Variants in RNF111 observed in about 807,000 individuals in gnomAD.
RNF111 encodes E3 ubiquitin-protein ligase Arkadia.
A neutral mutation model predicts 95.1 loss-of-function variants in RNF111; 17 were observed. The observed-to-expected ratio is 0.18, with a 90% confidence interval of 0.12 to 0.27. The LOEUF (loss-of-function observed/expected upper bound fraction) is 0.27. Among genes scored for constraint, RNF111 ranks in the 10% least tolerant of loss-of-function variants. RNF111 has a pLI of 1.00. For missense variants in RNF111, 1,189 were observed against 1,210.4 expected, an observed-to-expected ratio of 0.98 and a Z score of 0.26; for synonymous variants, 440 against 414.8, an observed-to-expected ratio of 1.06 and a Z score of -0.74.
chr15:59,081,030 G>A lies in RNF111; in HGVS notation c.2043G>A (p.Val681=), dbSNP rs1269856935. ...CTCAGACTCAGCCTCCGCCTCAAGT[G>A]GATTATGTTATTCCTCATCCTGTAC... is the stretch of plus-strand genomic sequence containing the variant. ...PPPQTQPPPQ[V]DYVIPHPVHA... is the part of the protein sequence containing the mutation. The change falls in exon 8 of 14, where the codon GTG becomes GTA. Residue 681 remains valine (V), a synonymous_variant. Coordinates refer to ENST00000348370, the MANE Select transcript of RNF111 (RefSeq NM_017610.8). 1 of 1,614,032 alleles carries A rather than the reference G, an allele frequency of 6.2e-7. No individual in the cohort carries two copies. The highest frequency in any genetic ancestry group is 1.1e-5 in the South Asian group (1 of 91,068).
At chr15:59,092,900 T>G (rs1175361646) in intron 13 of RNF111, among the ~76,000 whole-genome samples, 6 of 152,130 alleles carry the variant, frequency 3.9e-5, no homozygotes, top group Admixed American at 1.3e-4. Flanking sequence ...CTCAGGAGAC[T>G]AAGGCAGGAG....
In RNF111 at chr15:59,000,190, G is replaced by T. The variant is rs200107318; in HGVS notation, c.-20+12122G>T. Among the ~76,000 whole-genome samples, 11 of 142,152 alleles carry T rather than the reference G, an allele frequency of 7.7e-5. No homozygotes were observed. In the East Asian group the frequency reaches 1.8e-3, roughly 24 times the overall value. The allele number at this position is 142,152 out of a possible 152,430, so 93.3% of individuals were successfully genotyped here. On this transcript the variant is annotated intron_variant, in intron 1 of 13. Transcript: ENST00000348370. ...TTTTTTTTTTTTTTTTTGAGACAGGGTCTCTCTCTGTTACCCAGGCTAGAG... is the reference window on the plus strand; with the variant it reads ...TTTTTTTTTTTTTTTTTGAGACAGGTTCTCTCTCTGTTACCCAGGCTAGAG...
Position 59,067,184 on chromosome 15 carries a change from C to T in RNF111, c.1686+101C>T, listed in dbSNP as rs1343097833. 7.1e-6 allele frequency: 7 copies of T among 991,030 alleles called. No individual in the cohort carries two copies. In the African/African-American group the frequency reaches 8.2e-5, roughly 12 times the overall value. 61.4% of individuals were successfully genotyped at this position (991,030 alleles called of 1,614,324 possible). A position where few individuals can be genotyped will look rare whatever the true frequency, so the allele number is the denominator to read the frequency against. ...TCTTCCTCTTCCTTCATTCCTGTCT[C>T]TCTCCCTCCCTCCATTTCTCTCCCT... On this transcript the variant is annotated intron_variant, in intron 6 of 13. Coordinates refer to ENST00000348370, the MANE Select transcript of RNF111 (RefSeq NM_017610.8).
rs553737581 is a variant in RNF111, at chr15:59,025,128, G to A, written c.-19-5676G>A. ...TTTGCAAATAATGCTGTTACGATCC[G>A]CCCTCCTCCGCCTCCCAAAGTGCAG... On this transcript the variant is annotated intron_variant, in intron 1 of 13. Transcript: ENST00000348370. 5.5e-4 allele frequency among the ~76,000 whole-genome samples: 84 copies of A among 152,230 alleles called. 1 individual carries two copies. Among genetic ancestry groups the A allele is most frequent in the African/African-American group, 1.8e-3 (75 of 41,514 alleles).
intron 2 of RNF111, among the ~76,000 whole-genome samples, chr15:59,031,944 CT>C (rs777394754): frequency 9.2e-4 from 138 of 150,016 alleles, no homozygotes; most frequent in Non-Finnish European, 1.5e-3. Context: ...CCCTTCATTA[CT>C]TTTTTTTTTC....
At chr15:59,013,792 T>C (rs2039937686) in intron 1 of RNF111, among the ~76,000 whole-genome samples, 1 of 152,028 alleles carries the variant, frequency 6.6e-6, no homozygotes, top group Non-Finnish European at 1.5e-5. Flanking sequence ...ATTCATTTTT[T>C]TTCTTTTTTT....
intron 1 of RNF111, among the ~76,000 whole-genome samples, chr15:59,000,186 C>G (rs2039262331): frequency 8.1e-6 from 1 of 123,720 alleles, no homozygotes; most frequent in Non-Finnish European, 1.6e-5. Flanking sequence ...TTTTTTGAGA[C>G]AGGGTCTCTC....
chr15:59,001,017 A>G (rs752410079), intron 1 of RNF111, among the ~76,000 whole-genome samples: 6 of 152,206 alleles, frequency 3.9e-5, no homozygotes, highest in East Asian at 1.9e-4. Context: ...CCTTTCCACA[A>G]AAATTTTAAT....
intron 5 of RNF111, among the ~76,000 whole-genome samples, chr15:59,065,085 C>G (rs1318838648): frequency 1.3e-5 from 2 of 151,852 alleles, no homozygotes; most frequent in Non-Finnish European, 1.5e-5. Flanking sequence ...AGCAGGGTAT[C>G]CTTACTCTTG....
At chr15:59,013,394 T>C (rs2039920006) in intron 1 of RNF111, among the ~76,000 whole-genome samples, 1 of 152,214 alleles carries the variant, frequency 6.6e-6, no homozygotes. Flanking sequence ...AGTTTCTCAG[T>C]CTTCCCTTAT....
intron 9 of RNF111, 125 bp downstream of exon 9, chr15:59,084,379 T>A: frequency 1.1e-6 from 1 of 937,752 alleles, no homozygotes; most frequent in Non-Finnish European, 1.5e-6. Context: ...CCAGTTTAAC[T>A]GAGACACTGC....
At chr15:58,991,719 A>C (rs150037496) in intron 1 of RNF111, among the ~76,000 whole-genome samples, 2 of 152,252 alleles carry the variant, frequency 1.3e-5, no homozygotes, top group African/African-American at 4.8e-5. Context: ...GAGAATCTAC[A>C]AATGTAAATT....
chr15:59,013,029 G>T (rs182416145), intron 1 of RNF111, among the ~76,000 whole-genome samples: 1 of 152,128 alleles, frequency 6.6e-6, no homozygotes, highest in South Asian at 2.1e-4. Flanking sequence ...GTGAGCCACC[G>T]CGACCGGCCT....
intron 1 of RNF111, among the ~76,000 whole-genome samples, chr15:59,022,786 C>T (rs1426060228): frequency 1.3e-5 from 2 of 152,210 alleles, no homozygotes; most frequent in Non-Finnish European, 2.9e-5. Context: ...AGCATAGACA[C>T]ATCCAGTAAG....
intron 7 of RNF111, among the ~76,000 whole-genome samples, chr15:59,078,007 C>A (rs1420691419): frequency 2.6e-5 from 4 of 152,102 alleles, no homozygotes; most frequent in Non-Finnish European, 5.9e-5. Flanking sequence ...CTTTTTTCAT[C>A]CAGAATGAAC....
chr15:59,001,614 G>C (rs2039328302), intron 1 of RNF111, among the ~76,000 whole-genome samples: 1 of 152,088 alleles, frequency 6.6e-6, no homozygotes, highest in Non-Finnish European at 1.5e-5. Context: ...TGGCGAATAG[G>C]TTCACTTTAG....
chr15:59,066,984 T>C lies in RNF111; in HGVS notation c.1587T>C (p.Ser529=). 1 of 1,614,148 alleles carries C rather than the reference T, an allele frequency of 6.2e-7. No homozygotes were observed. Among genetic ancestry groups the C allele is most frequent in the Non-Finnish European group, 8.5e-7 (1 of 1,180,026 alleles). Residue 529 remains serine (S), a synonymous_variant, in exon 6 of 14, where the codon TCT becomes TCC. Transcript: ENST00000348370. Reference sequence around the variant, plus strand: ...CTCCCCACCCAGCTGTCCCAGTTTCTCCTTCCTTTAGTGATCCTGCTTGCC... The same window carrying C: ...CTCCCCACCCAGCTGTCCCAGTTTCCCCTTCCTTTAGTGATCCTGCTTGCC... ...HHTPHPAVPV[S]PSFSDPACPV...
chr15:59,038,905 G>A (rs1277764574), intron 2 of RNF111, among the ~76,000 whole-genome samples: 3 of 152,100 alleles, frequency 2.0e-5, no homozygotes, highest in African/African-American at 7.2e-5. Context: ...ACTGTTTTCT[G>A]TAATGTTTTT....
chr15:59,011,235 C>T (rs1241814834), intron 1 of RNF111, among the ~76,000 whole-genome samples: 1 of 152,126 alleles, frequency 6.6e-6, no homozygotes, highest in Non-Finnish European at 1.5e-5. Context: ...TACACCCTAC[C>T]CTTCAGAATC....
Sources: allele counts gnomAD v4.1 joint callset (sites outside exome capture counted in the v4.1 genomes callset), GRCh38; gene constraint gnomAD v4.1.1; transcripts MANE v1.5; gene names NCBI Gene and HGNC (gene_info 2026-07-23, HGNC 2026-07-21).